Variants in CTNNA2 observed in about 807,000 individuals in gnomAD.
The protein encoded by CTNNA2 is catenin alpha 2.
A neutral mutation model predicts 101.0 loss-of-function variants in CTNNA2; 42 were observed. The ratio of observed to expected loss-of-function variants is 0.42; its 90% CI spans 0.32 to 0.54. The LOEUF is 0.54. Among genes scored for constraint, CTNNA2 ranks in the 20% least tolerant of loss-of-function variants. CTNNA2 has a pLI of 0.14. For synonymous variants in CTNNA2, 450 were observed against 456.4 expected (o/e 0.99, Z 0.18); for missense variants, 871 against 1,223.1 (o/e 0.71, Z 4.29).
intron 9 of CTNNA2, among the ~76,000 whole-genome samples, chr2:80,437,164 C>T (rs1436520420): frequency 6.6e-6 from 1 of 152,152 alleles, no homozygotes; most frequent in African/African-American, 2.4e-5. Flanking sequence ...ACTTTGCAGC[C>T]TGTGGAACTG....
chr2:79,789,690 G>T (rs1675122792), intron 3 of CTNNA2, among the ~76,000 whole-genome samples: 1 of 152,088 alleles, frequency 6.6e-6, no homozygotes, highest in African/African-American at 2.4e-5. Flanking sequence ...CATTTTTACG[G>T]TAGAGTTGAG....
intron 9 of CTNNA2, among the ~76,000 whole-genome samples, chr2:80,535,686 C>G (rs1476143525): frequency 3.3e-5 from 5 of 152,132 alleles, no homozygotes; most frequent in Non-Finnish European, 5.9e-5. Context: ...AAAAGTGATT[C>G]CACTTCCTCC....
chr2:79,613,178 C>A (rs1339045001), intron 1 of CTNNA2, among the ~76,000 whole-genome samples: 17 of 126,596 alleles, frequency 1.3e-4, no homozygotes, highest in South Asian at 1.3e-3. Context: ...AAAAAAAAAA[C>A]GATGTTTGTT....
chr2:79,725,017 G>A (rs901321134), intron 2 of CTNNA2, among the ~76,000 whole-genome samples: 1 of 151,914 alleles, frequency 6.6e-6, no homozygotes, highest in African/African-American at 2.4e-5. Flanking sequence ...AAAAGCCTTG[G>A]TCCAGCACTC....
intron 7 of CTNNA2, among the ~76,000 whole-genome samples, chr2:80,049,756 G>A (rs967792546): frequency 7.2e-5 from 11 of 152,168 alleles, no homozygotes; most frequent in African/African-American, 2.4e-4. Context: ...TCCTGAAGCT[G>A]TACTATTGTC....
intron 2 of CTNNA2, among the ~76,000 whole-genome samples, chr2:79,714,781 G>A (rs958470382): frequency 3.3e-5 from 5 of 152,062 alleles, no homozygotes; most frequent in East Asian, 1.9e-4. Context: ...TTATTAATCT[G>A]TCCACTTTTG....
At chr2:79,795,907 A>G (rs887064131) in intron 3 of CTNNA2, among the ~76,000 whole-genome samples, 1 of 152,200 alleles carries the variant, frequency 6.6e-6, no homozygotes, top group Non-Finnish European at 1.5e-5. Context: ...CTTTAACAAC[A>G]CAAAAGAGTT....
chr2:80,551,056 T>C (rs551926384), intron 11 of CTNNA2, among the ~76,000 whole-genome samples: 9 of 152,316 alleles, frequency 5.9e-5, no homozygotes, highest in African/African-American at 2.2e-4. Context: ...TGCTGCAGAA[T>C]AGATGTGTTA....
intron 9 of CTNNA2, among the ~76,000 whole-genome samples, chr2:80,473,658 A>G (rs554804365): frequency 5.1e-4 from 77 of 152,304 alleles, no homozygotes; most frequent in African/African-American, 1.8e-3. Context: ...GTCAGTTTAC[A>G]TTTTACTAAA....
At chr2:79,301,681 G>A (rs139420101) in intron 2 of CTNNA2, among the ~76,000 whole-genome samples, 3 of 152,074 alleles carry the variant, frequency 2.0e-5, no homozygotes, top group South Asian at 2.1e-4. Flanking sequence ...GTCTCCCCTT[G>A]AGTACAGTCA....
intron 15 of CTNNA2, among the ~76,000 whole-genome samples, chr2:80,602,623 A>G (rs1190896507): frequency 6.6e-6 from 1 of 152,104 alleles, no homozygotes; most frequent in Non-Finnish European, 1.5e-5. Flanking sequence ...AGTGTTCCTT[A>G]AAAAATAAAA....
chr2:79,701,723 C>T (rs528430809), intron 2 of CTNNA2, among the ~76,000 whole-genome samples: 6 of 152,200 alleles, frequency 3.9e-5, no homozygotes, highest in South Asian at 2.1e-4. Context: ...GGATGTAGGC[C>T]GGACATGATG....
At chr2:80,063,938 A>G (rs544104689) in intron 7 of CTNNA2, among the ~76,000 whole-genome samples, 1 of 152,344 alleles carries the variant, frequency 6.6e-6, no homozygotes, top group South Asian at 2.1e-4. Context: ...GGTCTAGGCT[A>G]CACTACCAAG....
At chr2:80,468,372 G>C (rs920974510) in intron 9 of CTNNA2, among the ~76,000 whole-genome samples, 51 of 152,174 alleles carry the variant, frequency 3.4e-4, no homozygotes, top group African/African-American at 1.2e-3. Context: ...TTGAACACAG[G>C]CTACAGAGAT....
intron 3 of CTNNA2, among the ~76,000 whole-genome samples, chr2:79,369,441 A>G (rs1321621734): frequency 6.6e-6 from 1 of 152,028 alleles, no homozygotes; most frequent in Non-Finnish European, 1.5e-5. Context: ...GCTGCTTCCA[A>G]TATCGTCTTG....
intron 7 of CTNNA2, among the ~76,000 whole-genome samples, chr2:80,157,541 T>A (rs1184160567): frequency 6.6e-6 from 1 of 152,144 alleles, no homozygotes; most frequent in African/African-American, 2.4e-5. Flanking sequence ...TCGTGACCAT[T>A]TTTTTGTTTA....
At chr2:79,670,482 A>C (rs1682761386) in intron 2 of CTNNA2, among the ~76,000 whole-genome samples, 1 of 152,194 alleles carries the variant, frequency 6.6e-6, no homozygotes, top group Non-Finnish European at 1.5e-5. Flanking sequence ...TGGAGTGTGC[A>C]GACCCAGGGC....
At chr2:80,127,933 A>G (rs1251078931) in intron 7 of CTNNA2, among the ~76,000 whole-genome samples, 1 of 152,148 alleles carries the variant, frequency 6.6e-6, no homozygotes, top group Non-Finnish European at 1.5e-5. Context: ...ACAAATCTCT[A>G]AAGTCATTGA....
chr2:80,413,292 C>G (rs7589069), intron 8 of CTNNA2, among the ~76,000 whole-genome samples: 41,181 of 152,010 alleles, frequency 0.27, 9,200 homozygotes, highest in African/African-American at 0.62. Context: ...CCTGATAGAG[C>G]TAATTGGTTC....
Sources: allele counts gnomAD v4.1 joint callset (sites outside exome capture counted in the v4.1 genomes callset), GRCh38; gene constraint gnomAD v4.1.1; transcripts MANE v1.5; gene names NCBI Gene and HGNC (gene_info 2026-07-23, HGNC 2026-07-21).